COQ7: variants seen among roughly 807,000 people sequenced by gnomAD.
COQ7 encodes NADPH-dependent 3-demethoxyubiquinone 3-hydroxylase, mitochondrial.
COQ7 carries 21 observed loss-of-function variants against 25.0 expected under a neutral mutation model. That is an observed-to-expected ratio of 0.84 (90% CI 0.60 to 1.21). The LOEUF is 1.21. COQ7 is among the 50% of genes most tolerant of loss of function. The pLI, the probability that COQ7 is intolerant of heterozygous loss-of-function variation, is 0.00. For synonymous variants in COQ7, 125 were observed against 112.4 expected, an observed-to-expected ratio of 1.11 and a Z score of -0.71; for missense variants, 311 against 296.2, an observed-to-expected ratio of 1.05 and a Z score of -0.37.
intron 1 of COQ7, among the ~76,000 whole-genome samples, chr16:19,071,418 G>C (rs1293553948): frequency 6.6e-6 from 1 of 152,260 alleles, no homozygotes; most frequent in Admixed American, 6.5e-5. Flanking sequence ...TTACAGGCAT[G>C]AGCCACCGCG....
chr16:19,073,688 G>A (rs144436916), intron 2 of COQ7, among the ~76,000 whole-genome samples: 72 of 152,322 alleles, frequency 4.7e-4, no homozygotes, highest in African/African-American at 1.6e-3. Context: ...GCTCATGGCA[G>A]TCTTAACTGG....
rs1963019616 is a variant in COQ7, at chr16:19,079,276, A to T, written c.*1118A>T. ...GTTTATAAGCCACCCAGACTGTGGT[A>T]TTTTGTTATAGCAGCCTGAACAGAC... is the stretch of plus-strand genomic sequence containing the variant. On this transcript the variant is annotated 3_prime_UTR_variant, in exon 6 of 6. Coordinates refer to ENST00000321998, the MANE Select transcript of COQ7 (RefSeq NM_016138.5). The T allele has an allele frequency of 6.6e-6, 1 of 152,148 alleles. No individual in the cohort carries two copies. Among genetic ancestry groups the T allele is most frequent in the South Asian group, 2.1e-4 (1 of 4,832 alleles). 9.4% of individuals were successfully genotyped at this position (152,148 alleles called of 1,614,324 possible).
At chr16:19,067,841 T>C in intron 1 of COQ7, 104 bp downstream of exon 1, 1 of 1,519,716 alleles carries the variant, frequency 6.6e-7, no homozygotes, top group South Asian at 1.2e-5. Context: ...GTTCGTAACG[T>C]CACAGGCCTG....
rs1596814958 is a variant in COQ7, at chr16:19,067,691, T to C, written c.27T>C (p.Ala9=). Residue 9 remains alanine (A), a synonymous_variant, in exon 1 of 6, where the codon GCT becomes GCC. Transcript: ENST00000321998. ...TGAGTTGCGCCGGGGCGGCGGCGGCTCCCCGCCTTTGGCGGCTGCGCCCGG... is the reference window on the plus strand; with the variant it reads ...TGAGTTGCGCCGGGGCGGCGGCGGCCCCCCGCCTTTGGCGGCTGCGCCCGG... MSCAGAAA[A]PRLWRLRPGA... is the part of the protein sequence containing the mutation. The C allele has an allele frequency of 1.9e-6, 3 of 1,609,406 alleles. No individual in the cohort carries two copies. Among genetic ancestry groups the C allele is most frequent in the Non-Finnish European group, 2.5e-6 (3 of 1,178,414 alleles).
chr16:19,068,468 A>G (rs1282854234), intron 1 of COQ7: 7 of 867,878 alleles, frequency 8.1e-6, no homozygotes, highest in African/African-American at 1.8e-5. Context: ...CCTGGCCAAC[A>G]TGGTGAAACC....
downstream of COQ7, among the ~76,000 whole-genome samples, chr16:19,080,987 C>T (rs528468020): frequency 4.6e-5 from 7 of 152,104 alleles, no homozygotes; most frequent in Non-Finnish European, 8.8e-5. Context: ...ATTCAGGACT[C>T]ATGAAGAGCT....
Position 19,075,979 on chromosome 16 carries a change from C to A in COQ7, c.507+119C>A, listed in dbSNP as rs937184817. Reference sequence around the variant, plus strand: ...ATGATGGGGGTTTAGAGGCTCAGGTCAGTGCCTCAGTTTAAAGGTGAGCAA... The same window carrying A: ...ATGATGGGGGTTTAGAGGCTCAGGTAAGTGCCTCAGTTTAAAGGTGAGCAA... On this transcript the variant is annotated intron_variant, in intron 4 of 5. Coordinates refer to ENST00000321998, the MANE Select transcript of COQ7 (RefSeq NM_016138.5). 6 of 1,325,792 alleles carry A rather than the reference C, an allele frequency of 4.5e-6. No homozygotes were observed. The East Asian group carries it at 1.5e-4, about 32-fold the overall frequency. 82.1% of individuals were successfully genotyped at this position (1,325,792 alleles called of 1,614,324 possible). A position where few individuals can be genotyped will look rare whatever the true frequency, so the allele number is the denominator to read the frequency against.
chr16:19,076,416 C>A (rs78245846), intron 4 of COQ7, among the ~76,000 whole-genome samples: 8 of 151,522 alleles, frequency 5.3e-5, no homozygotes, highest in Non-Finnish European at 8.8e-5. Context: ...CTCTTGAGCC[C>A]TGTCCTGTTC....
intron 1 of COQ7, among the ~76,000 whole-genome samples, chr16:19,071,616 G>A (rs752694978): frequency 2.6e-5 from 4 of 152,208 alleles, no homozygotes; most frequent in Non-Finnish European, 5.9e-5. Flanking sequence ...GGGCTGGGGC[G>A]AAGTGGGCCA....
downstream of COQ7, among the ~76,000 whole-genome samples, chr16:19,080,808 A>G (rs1963084152): frequency 6.6e-6 from 1 of 152,052 alleles, no homozygotes; most frequent in Non-Finnish European, 1.5e-5. Flanking sequence ...TTCTTTGTCA[A>G]TTGTGTTTTT....
chr16:19,076,036 C>G (rs1159806441), intron 4 of COQ7, among the ~76,000 whole-genome samples, 176 bp downstream of exon 4: 1 of 152,156 alleles, frequency 6.6e-6, no homozygotes, highest in Non-Finnish European at 1.5e-5. Flanking sequence ...CCCGTCTGCC[C>G]TGGCCATACA....
chr16:19,070,902 C>T (rs1374576451), intron 1 of COQ7, among the ~76,000 whole-genome samples: 1 of 152,094 alleles, frequency 6.6e-6, no homozygotes, highest in African/African-American at 2.4e-5. Context: ...GGGAAAAAAA[C>T]CTTTTGAGTT....
intron 1 of COQ7, 114 bp from the exon 2 acceptor site, chr16:19,071,814 G>A: frequency 1.8e-6 from 2 of 1,133,502 alleles, no homozygotes; most frequent in Non-Finnish European, 1.3e-6. Context: ...GGGCACGCCT[G>A]GCCCATGGGG....
Position 19,078,363 on chromosome 16 carries a change from C to A in COQ7, c.*205C>A. 1 of 403,658 alleles carries A rather than the reference C, an allele frequency of 2.5e-6. No individual in the cohort carries two copies. The highest frequency in any genetic ancestry group is 4.4e-6 in the Non-Finnish European group (1 of 229,602). 25.0% of individuals were successfully genotyped at this position (403,658 alleles called of 1,614,324 possible). On this transcript the variant is annotated 3_prime_UTR_variant, in exon 6 of 6. Transcript: ENST00000321998. ...TTCTGCCATGAGACCAACAGGTCAC[C>A]AGCCTTGTTCAAGTTACAGCAAACG... is the stretch of plus-strand genomic sequence containing the variant.
At chr16:19,073,423 G>T (rs766922174) in intron 2 of COQ7, among the ~76,000 whole-genome samples, 1 of 152,174 alleles carries the variant, frequency 6.6e-6, no homozygotes, top group African/African-American at 2.4e-5. Flanking sequence ...GATCCTGGAG[G>T]TTGAGGCTGC....
chr16:19,071,398 A>C (rs987160101), intron 1 of COQ7, among the ~76,000 whole-genome samples: 7 of 152,224 alleles, frequency 4.6e-5, no homozygotes, highest in African/African-American at 1.7e-4. Context: ...GGCTTCCCAA[A>C]GTGTTAGGAT....
At chr16:19,067,853 G>C in intron 1 of COQ7, 116 bp downstream of exon 1, 1 of 1,505,980 alleles carries the variant, frequency 6.6e-7, no homozygotes, top group Non-Finnish European at 8.8e-7. Context: ...ACAGGCCTGC[G>C]ACGGAGCGCG....
intron 4 of COQ7, among the ~76,000 whole-genome samples, chr16:19,076,220 A>G (rs1962831377): frequency 6.8e-6 from 1 of 148,094 alleles, no homozygotes; most frequent in Non-Finnish European, 1.5e-5. Context: ...CCGAGTAGCT[A>G]TGGGACTACA....
chr16:19,076,211 C>T (rs1030695363), intron 4 of COQ7, among the ~76,000 whole-genome samples: 2 of 151,220 alleles, frequency 1.3e-5, no homozygotes, highest in South Asian at 2.1e-4. Context: ...CTCAGCCTCC[C>T]GAGTAGCTAT....
Sources: gnomAD v4.1 joint callset for allele counts (sites outside exome capture counted in the v4.1 genomes callset) on GRCh38, gnomAD v4.1.1 for gene constraint, MANE v1.5 for transcripts, NCBI Gene and HGNC (gene_info 2026-07-23, HGNC 2026-07-21) for gene names.